NXPE2: variants seen among roughly 807,000 people sequenced by gnomAD.
NXPE2 encodes the protein NXPE family member 2.
A neutral mutation model predicts 34.4 loss-of-function variants in NXPE2; 34 were observed. That is an observed-to-expected ratio of 0.99 (90% CI 0.75 to 1.31). The LOEUF is 1.31. Among genes scored for constraint, NXPE2 ranks in the 40% most tolerant of loss-of-function variants. The probability of loss-of-function intolerance (pLI) is 0.00; values close to 1 mark genes in which losing one functional copy is unlikely to be tolerated. For missense variants in NXPE2, 649 were observed against 672.5 expected, an observed-to-expected ratio of 0.97 and a Z score of 0.39; for synonymous variants, 235 against 231.3, an observed-to-expected ratio of 1.02 and a Z score of -0.15.
Position 114,698,022 on chromosome 11 carries a change from TC to T in NXPE2, c.133-22del, listed in dbSNP as rs1014390228. 10 of 1,451,618 alleles carry T rather than the reference TC, an allele frequency of 6.9e-6. No homozygotes were observed. The African/African-American group carries it at 1.4e-4, about 21-fold the overall frequency. 89.9% of individuals were successfully genotyped at this position (1,451,618 alleles called of 1,614,324 possible). ...GCCCTATTGTTTGCTGATGATATTT[TC>T]TTTTCCCTTTCAATATTTCAGTTCT... On this transcript the variant is annotated intron_variant, in intron 2 of 5. Coordinates refer to ENST00000389586, the MANE Select transcript of NXPE2 (RefSeq NM_182495.6).
At chr11:114,745,165 G>A in the NXPE2 span, among the ~76,000 whole-genome samples, 9 of 152,130 alleles carry the variant, frequency 5.9e-5, no homozygotes, top group Admixed American at 5.9e-4. Context: ...TAGTTTGTTT[G>A]TGTTGCTATA....
At chr11:114,584,271 A>G in the NXPE2 span, 2 of 500,958 alleles carry the variant, frequency 4.0e-6, no homozygotes, top group Admixed American at 2.2e-5. Context: ...ACTTTGGACC[A>G]TATTTCAAGC....
the NXPE2 span, among the ~76,000 whole-genome samples, chr11:114,751,348 T>C: frequency 3.3e-5 from 5 of 152,258 alleles, no homozygotes; most frequent in South Asian, 1.0e-3. Context: ...CATTCCACCA[T>C]GTTATTATTT....
At chr11:114,777,310 G>A in the NXPE2 span, among the ~76,000 whole-genome samples, 2 of 152,194 alleles carry the variant, frequency 1.3e-5, no homozygotes, top group Admixed American at 6.5e-5. Flanking sequence ...TCACTATGGT[G>A]ACCCAGGATA....
chr11:114,555,376 G>A, the NXPE2 span, among the ~76,000 whole-genome samples: 1 of 152,006 alleles, frequency 6.6e-6, no homozygotes, highest in Non-Finnish European at 1.5e-5. Flanking sequence ...ACAGGTATGT[G>A]CCACCATGCC....
At chr11:114,621,903 C>G in the NXPE2 span, among the ~76,000 whole-genome samples, 1 of 151,376 alleles carries the variant, frequency 6.6e-6, no homozygotes, top group Non-Finnish European at 1.5e-5. Flanking sequence ...TTGTGGGTAA[C>G]CAGTTACCTG....
chr11:114,706,973 T>C lies in NXPE2; in HGVS notation c.*43T>C, dbSNP rs1565393414. On this transcript the variant is annotated 3_prime_UTR_variant, in exon 6 of 6. Transcript: ENST00000389586. The stretch of plus-strand genomic sequence containing the variant: ...AGCACTAGCCACTTTCTATAGATGA[T>C]CTCACATATACAGCGAAGATAGTTT... 2.8e-6 allele frequency: 4 copies of C among 1,441,396 alleles called. No homozygotes were observed. The highest frequency in any genetic ancestry group is 3.7e-6 in the Non-Finnish European group (4 of 1,069,006). 89.3% of individuals were successfully genotyped at this position (1,441,396 alleles called of 1,614,324 possible).
At chr11:114,782,842 A>G in the NXPE2 span, among the ~76,000 whole-genome samples, 1 of 152,222 alleles carries the variant, frequency 6.6e-6, no homozygotes, top group Non-Finnish European at 1.5e-5. Flanking sequence ...GCCGCCAGCC[A>G]TAGGAGATAC....
the NXPE2 span, among the ~76,000 whole-genome samples, chr11:114,643,719 T>C: frequency 3.3e-5 from 5 of 151,094 alleles, no homozygotes; most frequent in Admixed American, 3.3e-4. Flanking sequence ...TCTTTTTGCT[T>C]AAGATTGTCT....
chr11:114,797,584 C>T, the NXPE2 span, among the ~76,000 whole-genome samples: 875 of 152,308 alleles, frequency 5.7e-3, 60 homozygotes, highest in East Asian at 0.14. Context: ...TCCAAGCACA[C>T]ACTCATTCTC....
chr11:114,532,882 G>C, the NXPE2 span, among the ~76,000 whole-genome samples: 1 of 152,132 alleles, frequency 6.6e-6, no homozygotes, highest in African/African-American at 2.4e-5. Context: ...ATGGATTAAA[G>C]ATAAAATCTC....
the NXPE2 span, among the ~76,000 whole-genome samples, chr11:114,779,181 C>G: frequency 6.6e-6 from 1 of 152,218 alleles, no homozygotes; most frequent in African/African-American, 2.4e-5. Context: ...ATATAAGAAA[C>G]TTTTCTTCCT....
chr11:114,706,416 A>G lies in NXPE2; in HGVS notation c.1166A>G (p.His389Arg), dbSNP rs1389575487. The change falls in exon 6 of 6, where the codon CAT becomes CGT. Residue 389 changes from histidine (H) to arginine (R), a missense_variant. Physicochemically the swap from His to Arg is conservative, Grantham distance 29. Transcript: ENST00000389586. Reference sequence around the variant, plus strand: ...TCAGCCCTAAAATATTTTGATCATCATGGAGCTGGGATCTTTAAAACACAT... The same window carrying G: ...TCAGCCCTAAAATATTTTGATCATCGTGGAGCTGGGATCTTTAAAACACAT... ...AVKTLKYFDH[H>R]GAGIFKTHVL... 12 of 1,540,120 alleles carry G rather than the reference A, an allele frequency of 7.8e-6. No homozygotes were observed. In the South Asian group the frequency reaches 1.3e-4, roughly 17 times the overall value.
chr11:114,658,664 T>G, the NXPE2 span, among the ~76,000 whole-genome samples: 3 of 152,058 alleles, frequency 2.0e-5, no homozygotes, highest in Non-Finnish European at 2.9e-5. Context: ...AATAATAAGC[T>G]GTGAACTTCT....
chr11:114,536,767 C>T, the NXPE2 span, among the ~76,000 whole-genome samples: 5 of 152,084 alleles, frequency 3.3e-5, no homozygotes, highest in African/African-American at 7.2e-5. Context: ...CAATAACAGG[C>T]TCTGAAATTG....
the NXPE2 span, chr11:114,553,873 G>A: frequency 1.0e-6 from 1 of 966,290 alleles, no homozygotes; most frequent in Non-Finnish European, 1.2e-6. Flanking sequence ...AATAGGCCAT[G>A]ATGGGTACAT....
At chr11:114,619,670 G>A in the NXPE2 span, among the ~76,000 whole-genome samples, 3 of 152,062 alleles carry the variant, frequency 2.0e-5, no homozygotes, top group Non-Finnish European at 2.9e-5. Context: ...GTTGCCTTGT[G>A]GGTAACCACT....
chr11:114,702,507 A>T (rs1951384660), intron 3 of NXPE2, among the ~76,000 whole-genome samples: 1 of 152,156 alleles, frequency 6.6e-6, no homozygotes, highest in Non-Finnish European at 1.5e-5. Flanking sequence ...ATCCTCAGTA[A>T]TAATAATTGC....
At chr11:114,486,016 G>A in the NXPE2 span, among the ~76,000 whole-genome samples, 1 of 152,136 alleles carries the variant, frequency 6.6e-6, no homozygotes, top group African/African-American at 2.4e-5. Flanking sequence ...CTTAGCAGTG[G>A]AATTGCTGGA....
Sources: gnomAD v4.1 joint callset for allele counts (sites outside exome capture counted in the v4.1 genomes callset) on GRCh38, gnomAD v4.1.1 for gene constraint, MANE v1.5 for transcripts, NCBI Gene and HGNC (gene_info 2026-07-23, HGNC 2026-07-21) for gene names.